YTHDC2: variants seen among roughly 807,000 people sequenced by gnomAD.
The protein encoded by YTHDC2 is 3'-5' RNA helicase YTHDC2.
In YTHDC2, 45 loss-of-function variants were observed where a neutral mutation model predicts 174.9. That is an observed-to-expected ratio of 0.26 (90% CI 0.20 to 0.33). YTHDC2 has a LOEUF of 0.33. Ranked by LOEUF, YTHDC2 falls within the 10% of genes least tolerant of loss-of-function variation. The pLI, the probability that YTHDC2 is intolerant of heterozygous loss-of-function variation, is 1.00. For missense variants in YTHDC2, 1,650 were observed against 1,723.7 expected, an observed-to-expected ratio of 0.96 and a Z score of 0.76; for synonymous variants, 657 against 574.5, an observed-to-expected ratio of 1.14 and a Z score of -2.05.
At chr5:113,531,979 A>G (rs1019206506) in intron 4 of YTHDC2, among the ~76,000 whole-genome samples, 4 of 152,156 alleles carry the variant, frequency 2.6e-5, no homozygotes, top group African/African-American at 9.7e-5. Context: ...TAGTGATTTC[A>G]CTGCTACTAC....
chr5:113,589,405 A>T (rs1778872206), intron 26 of YTHDC2, among the ~76,000 whole-genome samples: 1 of 120,462 alleles, frequency 8.3e-6, no homozygotes, highest in African/African-American at 3.5e-5. Flanking sequence ...TAAAAAAAAA[A>T]AAAATATATA....
intron 26 of YTHDC2, among the ~76,000 whole-genome samples, chr5:113,588,151 A>G (rs1778795780): frequency 6.6e-6 from 1 of 152,074 alleles, no homozygotes; most frequent in Admixed American, 6.6e-5. Flanking sequence ...TTCTGATAAT[A>G]AAGATAATTT....
In YTHDC2 at chr5:113,526,682, A is replaced by T; in HGVS notation, c.572A>T (p.Gln191Leu). Residue 191 changes from glutamine (Q) to leucine (L), a missense_variant, in exon 4 of 30, where the codon CAG becomes CTG. By Grantham distance (113) the Gln-to-Leu change is moderately radical. This residue lies in a region of YTHDC2 where 304 missense variants were observed against 341.4 expected (regional missense o/e 0.89). Coordinates refer to ENST00000161863, the MANE Select transcript of YTHDC2 (RefSeq NM_022828.5). ...GAATCCGAATTTGATTCTTTTAGGC[A>T]GTCTTTACCAGTGTTTGAGAAACAG... ...RGESEFDSFR[Q>L]SLPVFEKQEE... The T allele has an allele frequency of 1.3e-6, 2 of 1,597,422 alleles. No homozygotes were observed. Among genetic ancestry groups the T allele is most frequent in the Non-Finnish European group, 1.7e-6 (2 of 1,171,032 alleles).
At chr5:113,587,922 C>G (rs1778782308) in intron 26 of YTHDC2, among the ~76,000 whole-genome samples, 1 of 151,916 alleles carries the variant, frequency 6.6e-6, no homozygotes, top group Admixed American at 6.6e-5. Context: ...TTTGGATAGT[C>G]TTTAATTTCT....
At chr5:113,581,745 T>G in intron 25 of YTHDC2, 36 bp downstream of exon 25, 2 of 1,416,582 alleles carry the variant, frequency 1.4e-6, no homozygotes, top group Non-Finnish European at 1.9e-6. Context: ...TGGGTCACTT[T>G]TTATTCAGGA....
intron 23 of YTHDC2, among the ~76,000 whole-genome samples, chr5:113,573,033 G>A (rs1258927539): frequency 6.6e-6 from 1 of 152,144 alleles, no homozygotes; most frequent in Non-Finnish European, 1.5e-5. Context: ...TTATTTTGCA[G>A]ACTTGTTTAT....
At chr5:113,521,820 C>CAAAAAAAAAAAAAAAAAAA (rs59402463) in intron 2 of YTHDC2, among the ~76,000 whole-genome samples, 1 of 118,576 alleles carries the variant, frequency 8.4e-6, no homozygotes, top group East Asian at 2.4e-4. Flanking sequence ...GACTCTGTCT[C>CAAAAAAAAAAAAAAAAAAA]AAAAAAAAAA....
intron 18 of YTHDC2, among the ~76,000 whole-genome samples, chr5:113,561,740 T>A (rs1041599228): frequency 1.3e-5 from 2 of 152,144 alleles, no homozygotes; most frequent in Non-Finnish European, 2.9e-5. Flanking sequence ...GTGCTGGGAT[T>A]ACAGGTGTGA....
At chr5:113,566,110 A>G (rs964580336) in intron 21 of YTHDC2, 91 bp downstream of exon 21, 4 of 1,325,782 alleles carry the variant, frequency 3.0e-6, no homozygotes, top group East Asian at 2.5e-5. Context: ...GATGCCATCT[A>G]TTATTTTTAT....
chr5:113,588,364 T>C (rs1288778904), intron 26 of YTHDC2, among the ~76,000 whole-genome samples: 1 of 152,042 alleles, frequency 6.6e-6, no homozygotes, highest in African/African-American at 2.4e-5. Flanking sequence ...GTCATGGTGT[T>C]ATTTTTATAT....
chr5:113,567,120 C>T lies in YTHDC2; in HGVS notation c.2871C>T (p.Asp957=). The change falls in exon 22 of 30, where the codon GAC becomes GAT. Residue 957 remains aspartate, a synonymous_variant. Coordinates refer to ENST00000161863, the MANE Select transcript of YTHDC2 (RefSeq NM_022828.5). The part of the protein sequence containing the change: ...SGFVRARGGG[D]IRDVNTNSEN... ...TTGTTAGAGCACGAGGTGGTGGTGA[C>T]ATTCGGGACGTTAACACAAACTCTG... 2 of 1,613,678 alleles carry T rather than the reference C, an allele frequency of 1.2e-6. No homozygotes were observed. The highest frequency in any genetic ancestry group is 8.5e-7 in the Non-Finnish European group (1 of 1,179,840).
At chr5:113,549,107 CCATT>C in intron 12 of YTHDC2, 87 bp downstream of exon 12, 1 of 1,130,704 alleles carries the variant, frequency 8.8e-7, no homozygotes, top group Non-Finnish European at 1.3e-6. Context: ...CAAATGTAGA[CCATT>C]TATAGTCTTT....
At chr5:113,559,977 A>G (rs2914152) in intron 17 of YTHDC2, among the ~76,000 whole-genome samples, 17,531 of 152,208 alleles carry the variant, frequency 0.12, 1,135 homozygotes, top group African/African-American at 0.14. Context: ...AAGAACAGTA[A>G]CTTCTGCTTA....
At chr5:113,541,617 G>A (rs1361388448) in intron 9 of YTHDC2, among the ~76,000 whole-genome samples, 1 of 151,946 alleles carries the variant, frequency 6.6e-6, no homozygotes. Flanking sequence ...TTGAGCATGT[G>A]ATAGTATGTA....
chr5:113,589,402 A>T lies in YTHDC2; in HGVS notation c.3826-1639A>T, dbSNP rs1206093155. Among the ~76,000 whole-genome samples the T allele has an allele frequency of 2.3e-3, 259 of 114,138 alleles. 1 individual carries two copies. The highest frequency in any genetic ancestry group is 9.9e-3 in the African/African-American group (245 of 24,852). 74.9% of individuals were successfully genotyped at this position (114,138 alleles called of 152,430 possible). Reference sequence around the variant, plus strand: ...TTCAAGTCTTTTAAAAATTAAAAAAAAAAAAAATATATATATATATATATA... The same window carrying T: ...TTCAAGTCTTTTAAAAATTAAAAAATAAAAAAATATATATATATATATATA... On this transcript the variant is annotated intron_variant, in intron 26 of 29. Coordinates refer to ENST00000161863, the MANE Select transcript of YTHDC2 (RefSeq NM_022828.5).
At chr5:113,589,456 G>A (rs539768304) in intron 26 of YTHDC2, among the ~76,000 whole-genome samples, 12 of 143,686 alleles carry the variant, frequency 8.4e-5, no homozygotes, top group African/African-American at 3.0e-4. Context: ...CTGGCCCGGC[G>A]TGGTTTATGT....
At chr5:113,543,751 G>C (rs780907846) in intron 10 of YTHDC2, among the ~76,000 whole-genome samples, 8 of 152,186 alleles carry the variant, frequency 5.3e-5, no homozygotes, top group Non-Finnish European at 8.8e-5. Context: ...CTTGTTCACT[G>C]TGCCTAGACA....
chr5:113,579,616 G>A lies in YTHDC2; in HGVS notation c.3275G>A (p.Ser1092Asn). The A allele has an allele frequency of 6.2e-7, 1 of 1,611,154 alleles. No homozygotes were observed. The highest frequency in any genetic ancestry group is 8.5e-7 in the Non-Finnish European group (1 of 1,178,378). ...GGCATTCCCAATGACAGTAGTGATA[G>A]TGAAATGGAGGACAAAACTACAGCT... ...VDGIPNDSSD[S>N]EMEDKTTANL... The change falls in exon 24 of 30, where the codon AGT becomes AAT. Residue 1092 changes from serine (S) to asparagine (N), a missense_variant. By Grantham distance (46) the Ser-to-Asn change is conservative (BLOSUM62 1). Coordinates refer to ENST00000161863, the MANE Select transcript of YTHDC2 (RefSeq NM_022828.5).
chr5:113,540,166 T>C (rs1047116981), intron 8 of YTHDC2, among the ~76,000 whole-genome samples: 2 of 152,230 alleles, frequency 1.3e-5, no homozygotes, highest in Admixed American at 6.5e-5. Context: ...ACTACAGGCA[T>C]GAGCCACCAT....
Sources: gnomAD v4.1 joint callset for allele counts (sites outside exome capture counted in the v4.1 genomes callset) on GRCh38, gnomAD v4.1.1 for gene constraint, gnomAD v4.1.1 regional missense constraint, MANE v1.5 for transcripts, NCBI Gene and HGNC (gene_info 2026-07-23, HGNC 2026-07-21) for gene names.